MAGI1: variants seen among roughly 807,000 people sequenced by gnomAD.
MAGI1 encodes membrane-associated guanylate kinase, WW and PDZ domain-containing protein 1.
Under a neutral mutation model 139.9 loss-of-function variants are expected in MAGI1, and 58 were observed. The ratio of observed to expected loss-of-function variants is 0.41; its 90% CI spans 0.34 to 0.52. The LOEUF (loss-of-function observed/expected upper bound fraction) is 0.52, where lower values mean the gene tolerates loss of function less well. Ranked by LOEUF, MAGI1 falls within the 20% of genes least tolerant of loss-of-function variation. MAGI1 has a pLI of 0.12. For synonymous variants in MAGI1, 812 were observed against 737.9 expected, an observed-to-expected ratio of 1.10 and a Z score of -1.63; for missense variants, 1,874 against 1,901.6, an observed-to-expected ratio of 0.99 and a Z score of 0.27.
intron 1 of MAGI1, among the ~76,000 whole-genome samples, chr3:65,866,597 C>T (rs989335518): frequency 3.3e-5 from 5 of 151,968 alleles, no homozygotes; most frequent in Non-Finnish European, 5.9e-5. Flanking sequence ...AACTTTGGAA[C>T]AAAAGAACTA....
chr3:65,564,184 C>A (rs1490488151), intron 2 of MAGI1, among the ~76,000 whole-genome samples: 1 of 151,894 alleles, frequency 6.6e-6, no homozygotes, highest in East Asian at 1.9e-4. Flanking sequence ...GCAGGGCTGG[C>A]AAATGACCTC....
chr3:65,595,986 A>G (rs1439977503), intron 2 of MAGI1, among the ~76,000 whole-genome samples: 1 of 152,296 alleles, frequency 6.6e-6, no homozygotes, highest in South Asian at 2.1e-4. Flanking sequence ...TGTTGATACC[A>G]TTAAACTGCT....
chr3:65,975,487 G>A (rs1395449451), intron 1 of MAGI1, among the ~76,000 whole-genome samples: 2 of 152,084 alleles, frequency 1.3e-5, no homozygotes, highest in African/African-American at 4.8e-5. Flanking sequence ...CGGGCACAGT[G>A]GCTCAAGCCT....
At chr3:65,493,736 T>A in intron 2 of MAGI1, 105 bp from the exon 3 acceptor site, 1 of 1,313,386 alleles carries the variant, frequency 7.6e-7, no homozygotes, top group Non-Finnish European at 1.1e-6. Context: ...AGGGCGTACC[T>A]AAGACTCTGC....
rs551459638 is a variant in MAGI1, at chr3:65,647,766, AAAAAG to A, written c.314-25683_314-25679del. Among the ~76,000 whole-genome samples the A allele has an allele frequency of 4.0e-3, 614 of 152,320 alleles. 4 individuals are homozygous for A. The highest frequency in any genetic ancestry group is 0.014 in the African/African-American group (582 of 41,570). ...AAGTTCCATTCTTTATGTGAAATTA[AAAAAG>A]AAAAGAAAGAAAACTACAAATAGAG... On this transcript the variant is annotated intron_variant, in intron 1 of 22. Coordinates refer to ENST00000402939, the MANE Select transcript of MAGI1 (RefSeq NM_001033057.2).
At chr3:65,676,787 C>T (rs1029411060) in intron 1 of MAGI1, among the ~76,000 whole-genome samples, 3 of 152,200 alleles carry the variant, frequency 2.0e-5, no homozygotes, top group African/African-American at 7.2e-5. Flanking sequence ...CAGATGGTTA[C>T]ACCATCCTTT....
intron 1 of MAGI1, among the ~76,000 whole-genome samples, chr3:65,946,083 G>A (rs1560041912): frequency 2.0e-5 from 3 of 152,198 alleles, no homozygotes; most frequent in Admixed American, 1.3e-4. Flanking sequence ...CTCTGGGCCT[G>A]GCCCTAGGGT....
At chr3:65,715,817 C>T (rs2032168128) in intron 1 of MAGI1, among the ~76,000 whole-genome samples, 1 of 152,126 alleles carries the variant, frequency 6.6e-6, no homozygotes, top group Admixed American at 6.5e-5. Flanking sequence ...ATTTGTGCTG[C>T]TTAAGTAAAA....
At chr3:65,881,720 C>T (rs887100499) in intron 1 of MAGI1, among the ~76,000 whole-genome samples, 3 of 152,090 alleles carry the variant, frequency 2.0e-5, no homozygotes, top group East Asian at 1.9e-4. Context: ...GTCTTAAGAA[C>T]GTCTAGGTGT....
At chr3:65,516,502 A>G (rs2077886968) in intron 2 of MAGI1, among the ~76,000 whole-genome samples, 1 of 151,986 alleles carries the variant, frequency 6.6e-6, no homozygotes, top group Non-Finnish European at 1.5e-5. Context: ...TAAAAGTATA[A>G]TAATAATAAA....
chr3:65,621,670 T>A (rs1303503978), intron 2 of MAGI1, among the ~76,000 whole-genome samples: 1 of 152,164 alleles, frequency 6.6e-6, no homozygotes, highest in Non-Finnish European at 1.5e-5. Flanking sequence ...CTGTGCCTGA[T>A]CTCATTGACT....
intron 1 of MAGI1, among the ~76,000 whole-genome samples, chr3:66,028,813 G>C (rs2068441041): frequency 6.6e-6 from 1 of 152,030 alleles, no homozygotes. Context: ...TTTCAAAAAG[G>C]CAGCATCTGA....
In MAGI1 at chr3:65,450,002, G is replaced by A. The variant is rs1450876019; in HGVS notation, c.1043-1945C>T. Among the ~76,000 whole-genome samples, 13 of 152,234 alleles carry A rather than the reference G, an allele frequency of 8.5e-5. 1 individual carries two copies. In the East Asian group the frequency reaches 2.5e-3, roughly 29 times the overall value. ...ATTCATTGACACATTCGAATACCTA[G>A]GATGCACGTGACATACAGAAATTAT... On this transcript the variant is annotated intron_variant, in intron 6 of 22. Coordinates refer to ENST00000402939, the MANE Select transcript of MAGI1 (RefSeq NM_001033057.2).
intron 5 of MAGI1, among the ~76,000 whole-genome samples, chr3:65,459,430 GA>G (rs1325058252): frequency 6.6e-6 from 1 of 152,136 alleles, no homozygotes; most frequent in Non-Finnish European, 1.5e-5. Flanking sequence ...TCCAATCCAT[GA>G]ACACGGAATA....
intron 1 of MAGI1, among the ~76,000 whole-genome samples, chr3:65,692,289 C>T (rs1037481425): frequency 1.3e-5 from 2 of 152,190 alleles, no homozygotes; most frequent in African/African-American, 4.8e-5. Context: ...TTCATTGATT[C>T]ATTCTTGCTT....
chr3:65,645,591 A>G (rs985192289), intron 1 of MAGI1, among the ~76,000 whole-genome samples: 2 of 152,166 alleles, frequency 1.3e-5, no homozygotes, highest in Admixed American at 1.3e-4. Context: ...TTAGGACAAA[A>G]AGAGGGAAGA....
chr3:65,452,118 AACCAAGATAAAACAAAG>A, intron 6 of MAGI1, among the ~76,000 whole-genome samples: 1 of 340 alleles, frequency 2.9e-3, no homozygotes, highest in African/African-American at 0.013. Flanking sequence ...CAAACAAAGC[AACCAAGATAAAACAAAG>A]CAACCAAGAT....
chr3:65,438,336 C>G (rs775808111), intron 9 of MAGI1, among the ~76,000 whole-genome samples: 1 of 152,094 alleles, frequency 6.6e-6, no homozygotes. Flanking sequence ...TGTGTACTTA[C>G]GGACATGAAG....
Position 65,981,518 on chromosome 3 carries a change from G to A in MAGI1, c.313+56478C>T, listed in dbSNP as rs563208495. Among the ~76,000 whole-genome samples the A allele has an allele frequency of 2.6e-5, 4 of 152,276 alleles. No homozygotes were observed. In the East Asian group the frequency reaches 7.7e-4, roughly 29 times the overall value. On this transcript the variant is annotated intron_variant, in intron 1 of 22. Coordinates refer to ENST00000402939, the MANE Select transcript of MAGI1 (RefSeq NM_001033057.2). ...ATTGAGATAATAATAGCCCCTCACA[G>A]ACTTATAAAATATTATATGAGAGAC...
Sources: allele counts gnomAD v4.1 joint callset (sites outside exome capture counted in the v4.1 genomes callset), GRCh38; gene constraint gnomAD v4.1.1; transcripts MANE v1.5; gene names NCBI Gene and HGNC (gene_info 2026-07-23, HGNC 2026-07-21).